MBOAT2: variants seen among roughly 807,000 people sequenced by gnomAD.
MBOAT2 encodes membrane bound glycerophospholipid O-acyltransferase 2, also known as membrane-bound glycerophospholipid O-acyltransferase 2.
A neutral mutation model predicts 63.4 loss-of-function variants in MBOAT2; 28 were observed. The ratio of observed to expected loss-of-function variants is 0.44; its 90% confidence interval spans 0.33 to 0.61. MBOAT2 has a LOEUF of 0.61. Among genes scored for constraint, MBOAT2 ranks in the 20% least tolerant of loss-of-function variants. The pLI, the probability that MBOAT2 is intolerant of heterozygous loss-of-function variation, is 0.03. For synonymous variants in MBOAT2, 211 were observed against 215.6 expected (o/e 0.98, Z 0.19); for missense variants, 470 against 605.8 (o/e 0.78, Z 2.35).
intron 1 of MBOAT2, among the ~76,000 whole-genome samples, chr2:9,001,461 T>G (rs1395459406): frequency 2.0e-5 from 3 of 152,142 alleles, no homozygotes; most frequent in Admixed American, 2.0e-4. Context: ...TACTAGGCAA[T>G]AGGAATTGTT....
At chr2:8,991,145 T>A (rs1265366840) in intron 1 of MBOAT2, among the ~76,000 whole-genome samples, 1 of 152,174 alleles carries the variant, frequency 6.6e-6, no homozygotes, top group African/African-American at 2.4e-5. Context: ...CCAAAGCTGA[T>A]AACTCCAGAG....
rs1332561775 is a variant in MBOAT2 at position 9,003,620 on chromosome 2, G to T, written c.-6C>A. 2 of 1,176,752 alleles carry T rather than the reference G, an allele frequency of 1.7e-6. No individual in the cohort carries two copies. The highest frequency in any genetic ancestry group is 2.1e-6 in the Non-Finnish European group (2 of 953,684). 72.9% of individuals were successfully genotyped at this position (1,176,752 alleles called of 1,614,324 possible). A position where few individuals can be genotyped will look rare whatever the true frequency, so the allele number is the denominator to read the frequency against. ...GTGGTGCTGGTGGTGGCCATGGCCG[G>T]GCCTCGGCGCTCCGGCCGCCCGCGC... On this transcript the variant is annotated 5_prime_UTR_variant, in exon 1 of 13. Coordinates refer to ENST00000305997, the MANE Select transcript of MBOAT2 (RefSeq NM_138799.4). The surrounding 1 kb of genome is among the most constrained non-coding windows in gnomAD (Gnocchi z 5.4).
intron 4 of MBOAT2, chr2:8,908,293 G>C (rs1442317080): frequency 5.3e-6 from 1 of 187,148 alleles, no homozygotes; most frequent in Non-Finnish European, 1.1e-5. Context: ...GGTGTTGAAT[G>C]GAGAACACTG....
intron 1 of MBOAT2, among the ~76,000 whole-genome samples, chr2:8,963,442 T>G (rs1478926310): frequency 1.3e-5 from 2 of 152,104 alleles, no homozygotes; most frequent in Non-Finnish European, 2.9e-5. Flanking sequence ...CAGCTGGGAT[T>G]ACAGGCATGC....
intron 4 of MBOAT2, among the ~76,000 whole-genome samples, chr2:8,892,403 G>A (rs1387806628): frequency 6.6e-6 from 1 of 152,056 alleles, no homozygotes; most frequent in Non-Finnish European, 1.5e-5. Context: ...CAAAGTGAGA[G>A]ATAATGGAAA....
intron 3 of MBOAT2, among the ~76,000 whole-genome samples, chr2:8,933,213 T>G (rs1667444143): frequency 6.6e-6 from 1 of 152,224 alleles, no homozygotes; most frequent in South Asian, 2.1e-4. Flanking sequence ...AGGCAAAAGA[T>G]GCATCCTTGT....
chr2:8,875,910 G>C (rs1437614090), intron 7 of MBOAT2, among the ~76,000 whole-genome samples: 1 of 152,234 alleles, frequency 6.6e-6, no homozygotes, highest in Non-Finnish European at 1.5e-5. Flanking sequence ...TGGTAGGAAA[G>C]AGGTAATATA....
intron 2 of MBOAT2, among the ~76,000 whole-genome samples, chr2:8,953,154 CT>C (rs1341527955): frequency 6.6e-6 from 1 of 152,124 alleles, no homozygotes; most frequent in East Asian, 1.9e-4. Flanking sequence ...TAAGGCTGGT[CT>C]GATGGTAACA....
chr2:8,940,078 G>GCTTA (rs141871757), intron 3 of MBOAT2, among the ~76,000 whole-genome samples: 7,674 of 151,742 alleles, frequency 0.051, 357 homozygotes, highest in African/African-American at 0.13. Context: ...GTCTCTGCTT[G>GCTTA]CTTACTTATA....
chr2:8,980,386 C>T (rs915822401), intron 1 of MBOAT2, among the ~76,000 whole-genome samples: 1 of 152,240 alleles, frequency 6.6e-6, no homozygotes, highest in East Asian at 1.9e-4. Flanking sequence ...GACCAAGTAA[C>T]CTCTGGCATT....
intron 7 of MBOAT2, among the ~76,000 whole-genome samples, chr2:8,875,906 GA>G (rs1298601115): frequency 6.6e-6 from 1 of 152,252 alleles, no homozygotes; most frequent in African/African-American, 2.4e-5. Context: ...GACATGGTAG[GA>G]AAGAGGTAAT....
At chr2:8,911,110 C>T (rs1405338232) in intron 3 of MBOAT2, among the ~76,000 whole-genome samples, 3 of 152,186 alleles carry the variant, frequency 2.0e-5, no homozygotes, top group South Asian at 4.1e-4. Context: ...TTTTCATTAA[C>T]AATAATGTCT....
At chr2:8,899,725 C>A (rs1442856368) in intron 4 of MBOAT2, among the ~76,000 whole-genome samples, 1 of 152,210 alleles carries the variant, frequency 6.6e-6, no homozygotes, top group Non-Finnish European at 1.5e-5. Context: ...CTTAACAAAT[C>A]CTACCAGATG....
In MBOAT2 at chr2:8,857,021, C is replaced by A. The variant is rs1661135677; in HGVS notation, c.*1658G>T. ...AGACACATGCCCATTTTTGCTGAGA[C>A]CTCAAAAGCTGCAAGTGCATTTGCT... On this transcript the variant is annotated 3_prime_UTR_variant, in exon 13 of 13. Transcript: ENST00000305997. 1 of 152,508 alleles carries A rather than the reference C, an allele frequency of 6.6e-6. No individual in the cohort carries two copies. Among genetic ancestry groups the A allele is most frequent in the African/African-American group, 2.4e-5 (1 of 41,418 alleles). The allele number at this position is 152,508 out of a possible 1,614,324, so 9.4% of individuals were successfully genotyped here. A position where few individuals can be genotyped will look rare whatever the true frequency, so the allele number is the denominator to read the frequency against.
chr2:8,869,707 G>A (rs995489340), intron 8 of MBOAT2, among the ~76,000 whole-genome samples: 6 of 152,148 alleles, frequency 3.9e-5, no homozygotes, highest in African/African-American at 7.2e-5. Flanking sequence ...ACATAAATAT[G>A]AGCCTCTAAG....
intron 3 of MBOAT2, among the ~76,000 whole-genome samples, chr2:8,931,540 C>G (rs1667320040): frequency 6.6e-6 from 1 of 152,148 alleles, no homozygotes. Context: ...TGTAGGTGGA[C>G]TGTTCACTCT....
At chr2:8,965,732 GC>G (rs1301276615) in intron 1 of MBOAT2, among the ~76,000 whole-genome samples, 1 of 152,006 alleles carries the variant, frequency 6.6e-6, no homozygotes, top group East Asian at 1.9e-4. Context: ...ATGTAATTGA[GC>G]AATCTTCTGA....
chr2:8,981,986 T>C (rs1439696867), intron 1 of MBOAT2, among the ~76,000 whole-genome samples: 2 of 152,028 alleles, frequency 1.3e-5, no homozygotes, highest in Non-Finnish European at 2.9e-5. Flanking sequence ...CAAATATGAG[T>C]AGTGGGCTTA....
At chr2:8,995,590 A>ATT (rs34038834) in intron 1 of MBOAT2, among the ~76,000 whole-genome samples, 1,976 of 134,388 alleles carry the variant, frequency 0.015, 38 homozygotes, top group Non-Finnish European at 0.018. Context: ...AATACATTCC[A>ATT]TTTTTTTTTT....
Sources: allele counts gnomAD v4.1 joint callset (sites outside exome capture counted in the v4.1 genomes callset), GRCh38; gene constraint gnomAD v4.1.1; non-coding constraint Gnocchi (gnomAD v3.1); transcripts MANE v1.5; gene names NCBI Gene and HGNC (gene_info 2026-07-23, HGNC 2026-07-21).